Variants in RPTOR observed in about 807,000 individuals in gnomAD.
RPTOR encodes regulatory-associated protein of mTOR.
A neutral mutation model predicts 169.9 loss-of-function variants in RPTOR; 21 were observed. That is an observed-to-expected ratio of 0.12 (90% CI 0.09 to 0.18). The LOEUF is 0.18. RPTOR is among the 10% of genes least tolerant of loss of function. The pLI, the probability that RPTOR is intolerant of heterozygous loss-of-function variation, is 1.00. For synonymous variants in RPTOR, 732 were observed against 753.2 expected (o/e 0.97, Z 0.46); for missense variants, 1,133 against 1,855.9 (o/e 0.61, Z 7.16).
intron 13 of RPTOR, among the ~76,000 whole-genome samples, chr17:80,864,369 A>AGCGTGATGGCAG (rs1567956106): frequency 7.0e-6 from 1 of 143,380 alleles, no homozygotes; most frequent in Non-Finnish European, 1.5e-5. Flanking sequence ...GGAAAAGGTG[A>AGCGTGATGGCAG]GAATGATGGC....
intron 7 of RPTOR, among the ~76,000 whole-genome samples, chr17:80,801,211 C>G (rs1312934775): frequency 6.6e-6 from 1 of 152,140 alleles, no homozygotes. Flanking sequence ...TGATAGTGAC[C>G]GTAGGAAGCA....
chr17:80,854,548 T>C (rs2067831504), intron 11 of RPTOR, among the ~76,000 whole-genome samples: 1 of 152,256 alleles, frequency 6.6e-6, no homozygotes, highest in African/African-American at 2.4e-5. Flanking sequence ...AAAAGAATCA[T>C]GTACATGTGC....
intron 2 of RPTOR, among the ~76,000 whole-genome samples, chr17:80,632,711 A>G (rs1038578632): frequency 2.0e-5 from 3 of 152,200 alleles, no homozygotes; most frequent in Non-Finnish European, 4.4e-5. Flanking sequence ...GGTTTTAACA[A>G]TATGGCATAA....
Position 80,838,117 on chromosome 17 carries a change from C to A in RPTOR, c.1212+120C>A. 4.0e-6 allele frequency: 3 copies of A among 742,690 alleles called. No homozygotes were observed. In the South Asian group the frequency reaches 5.2e-5, roughly 13 times the overall value. The allele number at this position is 742,690 out of a possible 1,614,324, so 46.0% of individuals were successfully genotyped here. ...GGACTCTCGGGTGTCAGATTTTGTTCACCTGCCTGGAAAAAATGTAGTTGC... is the reference window on the plus strand; with the variant it reads ...GGACTCTCGGGTGTCAGATTTTGTTAACCTGCCTGGAAAAAATGTAGTTGC... On this transcript the variant is annotated intron_variant, in intron 10 of 33. Coordinates refer to ENST00000306801, the MANE Select transcript of RPTOR (RefSeq NM_020761.3).
At chr17:80,700,463 G>C (rs62067887) in intron 3 of RPTOR, among the ~76,000 whole-genome samples, 1 of 112,404 alleles carries the variant, frequency 8.9e-6, no homozygotes, top group East Asian at 3.1e-4. Context: ...GATGGTGGTG[G>C]TGGTGGTGGT....
chr17:80,899,755 G>T (rs944737899), intron 20 of RPTOR, among the ~76,000 whole-genome samples: 1 of 152,210 alleles, frequency 6.6e-6, no homozygotes, highest in African/African-American at 2.4e-5. Flanking sequence ...ACTGAAGTTT[G>T]AATTTTGCGT....
intron 4 of RPTOR, among the ~76,000 whole-genome samples, chr17:80,715,215 G>A (rs2066229659): frequency 1.3e-5 from 2 of 152,120 alleles, no homozygotes; most frequent in African/African-American, 4.8e-5. Flanking sequence ...GATCAGTGAA[G>A]AAAGAGAGAA....
chr17:80,866,124 A>G (rs1419474637), intron 13 of RPTOR, among the ~76,000 whole-genome samples: 1 of 150,146 alleles, frequency 6.7e-6, no homozygotes, highest in Non-Finnish European at 1.5e-5. Context: ...TAGATATTAT[A>G]AGTCGTGAAT....
chr17:80,600,312 C>T (rs2065176165), intron 1 of RPTOR, among the ~76,000 whole-genome samples: 1 of 152,146 alleles, frequency 6.6e-6, no homozygotes, highest in African/African-American at 2.4e-5. Context: ...TATGTGTCTG[C>T]CTGGACTGAA....
chr17:80,896,663 C>T (rs1006441236), intron 20 of RPTOR, among the ~76,000 whole-genome samples: 13 of 152,074 alleles, frequency 8.5e-5, no homozygotes, highest in Non-Finnish European at 1.3e-4. Context: ...ACTGTCTTGG[C>T]CGCTCTTAGC....
intron 20 of RPTOR, among the ~76,000 whole-genome samples, chr17:80,899,112 C>T (rs1486671357): frequency 6.6e-6 from 1 of 152,196 alleles, no homozygotes; most frequent in African/African-American, 2.4e-5. Context: ...TGTTAATTTT[C>T]ATTGAGAAAT....
rs2067904718 is a variant in RPTOR, at chr17:80,860,381, A to C, written c.1509+2481A>C. ...CACCCGTCAGCCCTGCACACCCCAC[A>C]CAAAGCCACTGCTGTGTCTCCCACC... On this transcript the variant is annotated intron_variant, in intron 13 of 33. Transcript: ENST00000306801. The surrounding 1 kb of genome is among the most constrained non-coding windows in gnomAD (Gnocchi z 5.8). Among the ~76,000 whole-genome samples, 1 of 152,038 alleles carries C rather than the reference A, an allele frequency of 6.6e-6. No homozygotes were observed. The highest frequency in any genetic ancestry group is 2.1e-4 in the South Asian group (1 of 4,834).
At position 80,959,287 on chromosome 17, in the gene RPTOR, G is replaced by A. The variant is rs117324631; in HGVS notation, c.3478-791G>A. Among the ~76,000 whole-genome samples, 6 of 152,328 alleles carry A rather than the reference G, an allele frequency of 3.9e-5. No individual in the cohort carries two copies. The highest frequency in any genetic ancestry group is 3.9e-4 in the East Asian group (2 of 5,182). ...CGAGACGTAGCCCTCAGGGCACAGC[G>A]TGGACACCCTGATCCTCAGGGTCTG... On this transcript the variant is annotated intron_variant, in intron 29 of 33. Transcript: ENST00000306801. This position sits in a 1 kb window ranked among gnomAD's most constrained non-coding sequence, Gnocchi z 6.7.
chr17:80,858,631 T>G (rs1166267736), intron 13 of RPTOR, among the ~76,000 whole-genome samples: 1 of 151,798 alleles, frequency 6.6e-6, no homozygotes, highest in African/African-American at 2.4e-5. Context: ...GCGAGATGGG[T>G]CAGAGGAGTG....
At chr17:80,883,633 A>G in intron 15 of RPTOR, 148 bp from the exon 16 acceptor site, 1 of 1,187,106 alleles carries the variant, frequency 8.4e-7, no homozygotes, top group South Asian at 1.3e-5. Flanking sequence ...TGCAGGCTGA[A>G]TATGAATCAG....
chr17:80,902,693 A>G (rs768137598), intron 20 of RPTOR, among the ~76,000 whole-genome samples: 28 of 152,198 alleles, frequency 1.8e-4, no homozygotes, highest in Non-Finnish European at 3.7e-4. Context: ...CTGTGTCCAC[A>G]TGTCCCGGGA....
In RPTOR at chr17:80,651,836, T is replaced by C. The variant is rs2065642011; in HGVS notation, c.348+8026T>C. Reference sequence around the variant, plus strand: ...ATCGAGACCATGGTGAAACCCTGTCTCTACTAAAAATACAAAAAATTAGCC... The same window carrying C: ...ATCGAGACCATGGTGAAACCCTGTCCCTACTAAAAATACAAAAAATTAGCC... On this transcript the variant is annotated intron_variant, in intron 3 of 33. Transcript: ENST00000306801. The surrounding 1 kb of genome is among the most constrained non-coding windows in gnomAD (Gnocchi z 4.1). 6.6e-6 allele frequency among the ~76,000 whole-genome samples: 1 copy of C among 151,702 alleles called. No individual in the cohort carries two copies. The highest frequency in any genetic ancestry group is 1.5e-5 in the Non-Finnish European group (1 of 67,914).
chr17:80,893,074 G>A (rs939245442), intron 19 of RPTOR, among the ~76,000 whole-genome samples: 4 of 152,240 alleles, frequency 2.6e-5, no homozygotes, highest in Admixed American at 1.3e-4. Context: ...AATAGCCAGC[G>A]GGCCCGTTAC....
At chr17:80,858,020 G>A (rs932720550) in intron 13 of RPTOR, 120 bp downstream of exon 13, 14 of 783,234 alleles carry the variant, frequency 1.8e-5, no homozygotes, top group Admixed American at 1.1e-4. Context: ...AGGCACCGCC[G>A]TTCCCTTCCT....
Sources: allele counts gnomAD v4.1 joint callset (sites outside exome capture counted in the v4.1 genomes callset), GRCh38; gene constraint gnomAD v4.1.1; non-coding constraint Gnocchi (gnomAD v3.1); transcripts MANE v1.5; gene names NCBI Gene and HGNC (gene_info 2026-07-23, HGNC 2026-07-21).